Variants in MAF observed in about 807,000 individuals in gnomAD.
The protein encoded by MAF is MAF bZIP transcription factor.
Under a neutral mutation model 22.0 loss-of-function variants are expected in MAF, and 10 were observed. That is an observed-to-expected ratio of 0.45 (90% confidence interval 0.28 to 0.77). The LOEUF is 0.77. MAF is among the 30% of genes least tolerant of loss of function. MAF has a pLI of 0.12. For missense variants in MAF, 544 were observed against 548.4 expected (o/e 0.99, Z 0.08); for synonymous variants, 337 against 255.8 (o/e 1.32, Z -3.03).
At chr16:79,260,004 C>A in the MAF span, among the ~76,000 whole-genome samples, 1 of 152,208 alleles carries the variant, frequency 6.6e-6, no homozygotes, top group African/African-American at 2.4e-5. Flanking sequence ...GTGGGACTAC[C>A]TGCAGTGAGC....
At chr16:79,226,202 A>T in the MAF span, among the ~76,000 whole-genome samples, 1 of 152,230 alleles carries the variant, frequency 6.6e-6, no homozygotes, top group African/African-American at 2.4e-5. Flanking sequence ...TGCAGCCATA[A>T]AAAAGGATGA....
the MAF span, among the ~76,000 whole-genome samples, chr16:79,520,568 A>G: frequency 6.6e-6 from 1 of 152,070 alleles, no homozygotes; most frequent in African/African-American, 2.4e-5. Context: ...GGCTTCTCTT[A>G]TTTACTGTCT....
the MAF span, among the ~76,000 whole-genome samples, chr16:79,340,180 G>T: frequency 6.6e-6 from 1 of 151,954 alleles, no homozygotes; most frequent in Non-Finnish European, 1.5e-5. Context: ...TCAAATACCT[G>T]CCCCTCCTTC....
the MAF span, among the ~76,000 whole-genome samples, chr16:79,491,883 C>T: frequency 6.6e-6 from 1 of 152,148 alleles, no homozygotes; most frequent in African/African-American, 2.4e-5. Flanking sequence ...TAGACCTACT[C>T]CGGCTGTGAG....
At chr16:79,379,303 A>C in the MAF span, among the ~76,000 whole-genome samples, 3 of 152,198 alleles carry the variant, frequency 2.0e-5, no homozygotes, top group African/African-American at 7.2e-5. Context: ...ATGATGCTGA[A>C]ATGGGAGCAC....
the MAF span, among the ~76,000 whole-genome samples, chr16:79,506,849 CTA>C: frequency 3.9e-5 from 6 of 152,156 alleles, no homozygotes; most frequent in East Asian, 1.2e-3. Flanking sequence ...GCCCCAAAGG[CTA>C]TGATAAGAAA....
chr16:79,384,336 T>C, the MAF span, among the ~76,000 whole-genome samples: 2 of 151,132 alleles, frequency 1.3e-5, no homozygotes, highest in Non-Finnish European at 2.9e-5. Flanking sequence ...TCCCAACTAC[T>C]TGGGAGGCCA....
At chr16:79,272,076 T>G in the MAF span, among the ~76,000 whole-genome samples, 4 of 150,118 alleles carry the variant, frequency 2.7e-5, no homozygotes, top group Non-Finnish European at 3.0e-5. Flanking sequence ...AATACTTGGG[T>G]GGGGGGATGT....
the MAF span, among the ~76,000 whole-genome samples, chr16:79,442,898 G>T: frequency 6.6e-6 from 1 of 152,192 alleles, no homozygotes; most frequent in Admixed American, 6.5e-5. Context: ...CTCAGACAGT[G>T]AGGGAGCTGC....
At chr16:79,230,336 G>A in the MAF span, among the ~76,000 whole-genome samples, 1 of 152,138 alleles carries the variant, frequency 6.6e-6, no homozygotes, top group Non-Finnish European at 1.5e-5. Flanking sequence ...TGTACAGGAG[G>A]TGTGACCAAT....
the MAF span, among the ~76,000 whole-genome samples, chr16:79,246,540 T>TTGGGG: frequency 1.3e-4 from 13 of 101,406 alleles, no homozygotes; most frequent in African/African-American, 4.6e-4. Flanking sequence ...AGGTTTTTTT[T>TTGGGG]GGGGGGGGTG....
At chr16:79,210,497 G>C in the MAF span, among the ~76,000 whole-genome samples, 1 of 152,120 alleles carries the variant, frequency 6.6e-6, no homozygotes, top group African/African-American at 2.4e-5. Context: ...CACAATCAAA[G>C]TTCCTTAGTG....
At chr16:79,442,741 C>G in the MAF span, among the ~76,000 whole-genome samples, 1 of 152,192 alleles carries the variant, frequency 6.6e-6, no homozygotes, top group Admixed American at 6.5e-5. Flanking sequence ...AATTCCATCT[C>G]CCAGTAGCCA....
At chr16:79,404,622 C>T in the MAF span, among the ~76,000 whole-genome samples, 1 of 143,128 alleles carries the variant, frequency 7.0e-6, no homozygotes, top group African/African-American at 2.5e-5. Flanking sequence ...GCGCTTCAAT[C>T]TCTCCTTTTT....
At chr16:79,370,526 G>C in the MAF span, among the ~76,000 whole-genome samples, 41 of 152,242 alleles carry the variant, frequency 2.7e-4, 1 homozygote, top group Middle Eastern at 3.4e-3. Flanking sequence ...CTAAAGATAT[G>C]AGCATCTATA....
chr16:79,227,575 T>C, the MAF span, among the ~76,000 whole-genome samples: 1 of 151,972 alleles, frequency 6.6e-6, no homozygotes, highest in African/African-American at 2.4e-5. Context: ...ACCTTGAACA[T>C]TCATGCCCAG....
At chr16:79,394,093 T>C in the MAF span, among the ~76,000 whole-genome samples, 1 of 152,176 alleles carries the variant, frequency 6.6e-6, no homozygotes, top group Non-Finnish European at 1.5e-5. Flanking sequence ...TTCACCGTCA[T>C]TCTCTGTGTG....
At chr16:79,554,330 T>C in the MAF span, among the ~76,000 whole-genome samples, 4 of 152,192 alleles carry the variant, frequency 2.6e-5, no homozygotes, top group Admixed American at 2.6e-4. Context: ...TCCATATCCA[T>C]GTCTGCTGGT....
chr16:79,533,550 G>C, the MAF span, among the ~76,000 whole-genome samples: 399 of 152,198 alleles, frequency 2.6e-3, 1 homozygote, highest in African/African-American at 9.0e-3. Context: ...AAGACGGCAG[G>C]GGGAGGGGGA....
Sources: allele counts gnomAD v4.1 joint callset (sites outside exome capture counted in the v4.1 genomes callset), GRCh38; gene constraint gnomAD v4.1.1; transcripts MANE v1.5; gene names NCBI Gene and HGNC (gene_info 2026-07-23, HGNC 2026-07-21).